ANKRD31: variants seen among roughly 807,000 people sequenced by gnomAD.
ANKRD31 encodes ankyrin repeat domain 31.
In ANKRD31, 147 loss-of-function variants were observed where a neutral mutation model predicts 186.0. The observed-to-expected ratio is 0.79, with a 90% CI of 0.69 to 0.91. The LOEUF (loss-of-function observed/expected upper bound fraction) is 0.91. Ranked by LOEUF, ANKRD31 falls within the 40% of genes least tolerant of loss-of-function variation. The pLI is 0.00. For missense variants in ANKRD31, 1,986 were observed against 2,148.8 expected, an observed-to-expected ratio of 0.92 and a Z score of 1.50; for synonymous variants, 673 against 736.4, an observed-to-expected ratio of 0.91 and a Z score of 1.39.
intron 25 of ANKRD31, among the ~76,000 whole-genome samples, chr5:75,080,062 C>G (rs960883392): frequency 3.3e-5 from 5 of 151,888 alleles, no homozygotes; most frequent in African/African-American, 1.2e-4. Context: ...CGTGCCACCA[C>G]ACTCCAGCCT....
intron 25 of ANKRD31, among the ~76,000 whole-genome samples, chr5:75,071,237 G>A (rs1251574976): frequency 6.7e-6 from 1 of 149,994 alleles, no homozygotes; most frequent in Admixed American, 6.7e-5. Flanking sequence ...AAGTTTTGAG[G>A]TAACTCATTT....
chr5:75,151,393 C>CGG (rs1212496196), intron 12 of ANKRD31, among the ~76,000 whole-genome samples: 2 of 151,900 alleles, frequency 1.3e-5, no homozygotes, highest in African/African-American at 4.8e-5. Context: ...AGGAACCCAG[C>CGG]GGGAGGTAAT....
At chr5:75,093,004 C>T (rs991728931) in intron 22 of ANKRD31, among the ~76,000 whole-genome samples, 1 of 151,950 alleles carries the variant, frequency 6.6e-6, no homozygotes, top group African/African-American at 2.4e-5. Context: ...CAGATTTAAA[C>T]TGGCAAGAGA....
chr5:75,110,268 C>T (rs1196448023), intron 20 of ANKRD31, among the ~76,000 whole-genome samples: 1 of 152,116 alleles, frequency 6.6e-6, no homozygotes, highest in Non-Finnish European at 1.5e-5. Flanking sequence ...AACTAACACA[C>T]ATTGCAAAGA....
intron 2 of ANKRD31, among the ~76,000 whole-genome samples, chr5:75,228,396 T>C (rs1226166375): frequency 6.6e-6 from 1 of 152,210 alleles, no homozygotes; most frequent in Non-Finnish European, 1.5e-5. Context: ...AGCTGTTGAA[T>C]GTAGAACAAT....
intron 11 of ANKRD31, among the ~76,000 whole-genome samples, chr5:75,164,869 C>T (rs1210953973): frequency 6.6e-6 from 1 of 152,176 alleles, no homozygotes; most frequent in Non-Finnish European, 1.5e-5. Context: ...TTGTATATGG[C>T]TTGTATATGA....
In ANKRD31 at chr5:75,236,863, G is replaced by A; in HGVS notation, c.-177C>T. ...GGAGGACGCAGGCGGCCGCGAGCGC[G>A]GCGGGGTAGCAGTCTGCGAGGCGGC... is the stretch of plus-strand genomic sequence containing the variant. On this transcript the variant is annotated 5_prime_UTR_variant, in exon 1 of 26. Coordinates refer to ENST00000506364, the MANE Select transcript of ANKRD31 (RefSeq NM_001372053.1). 5 of 508,448 alleles carry A rather than the reference G, an allele frequency of 9.8e-6. No homozygotes were observed. Among genetic ancestry groups the A allele is most frequent in the Non-Finnish European group, 1.6e-5 (5 of 303,988 alleles). The allele number at this position is 508,448 out of a possible 1,614,324, so 31.5% of individuals were successfully genotyped here.
At chr5:75,224,129 T>TTATATATATATATATATATATATGTA (rs1757469825) in intron 2 of ANKRD31, among the ~76,000 whole-genome samples, 1 of 105,752 alleles carries the variant, frequency 9.5e-6, no homozygotes, top group South Asian at 2.9e-4. Flanking sequence ...TCAGAAATAA[T>TTATATATATATATATATATATATGTA]TATATATATA....
chr5:75,121,256 A>T (rs896787403), intron 17 of ANKRD31, among the ~76,000 whole-genome samples: 1 of 152,114 alleles, frequency 6.6e-6, no homozygotes, highest in Admixed American at 6.5e-5. Context: ...ACAAAAGGTT[A>T]TAATAATATT....
intron 2 of ANKRD31, among the ~76,000 whole-genome samples, 187 bp downstream of exon 2, chr5:75,230,375 T>A (rs894623510): frequency 1.3e-5 from 2 of 152,252 alleles, no homozygotes; most frequent in African/African-American, 4.8e-5. Flanking sequence ...AGTTCGGTGA[T>A]GTTCTTGTGA....
intron 2 of ANKRD31, 64 bp from the exon 3 acceptor site, chr5:75,222,422 C>T (rs2150308779): frequency 8.6e-7 from 1 of 1,167,166 alleles, no homozygotes; most frequent in Non-Finnish European, 1.2e-6. Flanking sequence ...GATAATGGCC[C>T]AATAATTTTA....
chr5:75,226,026 T>A (rs1484202317), intron 2 of ANKRD31, among the ~76,000 whole-genome samples: 1 of 152,190 alleles, frequency 6.6e-6, no homozygotes, highest in Non-Finnish European at 1.5e-5. Flanking sequence ...CCTGGCAGTA[T>A]TCCTCTTGGG....
Position 75,116,667 on chromosome 5 carries a change from C to G in ANKRD31, c.4054G>C (p.Val1352Leu), listed in dbSNP as rs1446619026. Residue 1352 changes from valine to leucine, a missense_variant, in exon 19 of 26, where the codon GTC (valine) becomes CTC (leucine). Transcript: ENST00000506364. The stretch of plus-strand genomic sequence containing the variant: ...CACTGTTTATGTCTTTTAGACCGGA[C>G]AGCAGGAATTTTTTCTTTAAAAAGT... ...DAIVNEKIPA[V>L]RSKRHKQCFC... 5.7e-6 allele frequency: 8 copies of G among 1,408,770 alleles called. No individual in the cohort carries two copies. The highest frequency in any genetic ancestry group is 1.4e-5 in the African/African-American group (1 of 69,800). The allele number at this position is 1,408,770 out of a possible 1,614,324, so 87.3% of individuals were successfully genotyped here. A position where few individuals can be genotyped will look rare whatever the true frequency, so the allele number is the denominator to read the frequency against.
chr5:75,128,699 A>G (rs1749467490), intron 17 of ANKRD31, among the ~76,000 whole-genome samples: 1 of 146,624 alleles, frequency 6.8e-6, no homozygotes. Flanking sequence ...TATTTTTAGT[A>G]GAGTTGGGGT....
chr5:75,077,379 T>A (rs1299893808), intron 25 of ANKRD31, among the ~76,000 whole-genome samples: 1 of 152,168 alleles, frequency 6.6e-6, no homozygotes, highest in East Asian at 1.9e-4. Flanking sequence ...CCTAAATTAA[T>A]AATGTGATAT....
chr5:75,147,910 C>T (rs1364963695), intron 13 of ANKRD31, among the ~76,000 whole-genome samples: 1 of 151,774 alleles, frequency 6.6e-6, no homozygotes, highest in Non-Finnish European at 1.5e-5. Flanking sequence ...TGGATGGGTG[C>T]TATTCCTTTG....
chr5:75,209,067 T>G (rs1043044438), intron 4 of ANKRD31, among the ~76,000 whole-genome samples: 3 of 152,240 alleles, frequency 2.0e-5, no homozygotes, highest in Non-Finnish European at 4.4e-5. Flanking sequence ...AGCAAAATTA[T>G]TTAATCAACA....
At chr5:75,114,460 C>A (rs987099504) in intron 19 of ANKRD31, among the ~76,000 whole-genome samples, 1 of 152,092 alleles carries the variant, frequency 6.6e-6, no homozygotes, top group East Asian at 1.9e-4. Flanking sequence ...TGTTCACCAT[C>A]TTATCTTTTA....
intron 2 of ANKRD31, chr5:75,225,484 A>G: frequency 4.9e-6 from 1 of 206,130 alleles, no homozygotes. Context: ...CAGGATGGTC[A>G]TACAGTACAG....
Sources: allele counts gnomAD v4.1 joint callset (sites outside exome capture counted in the v4.1 genomes callset), GRCh38; gene constraint gnomAD v4.1.1; transcripts MANE v1.5; gene names NCBI Gene and HGNC (gene_info 2026-07-23, HGNC 2026-07-21).